The following SYT9 variants were observed in gnomAD, a reference collection of about 807,000 sequenced individuals.
SYT9 encodes synaptotagmin-9.
SYT9 carries 22 observed loss-of-function variants against 48.4 expected under a neutral mutation model. The ratio of observed to expected loss-of-function variants is 0.45; its 90% CI spans 0.32 to 0.65. The LOEUF is 0.65. Among genes scored for constraint, SYT9 ranks in the 30% least tolerant of loss-of-function variants. SYT9 has a pLI of 0.03. For missense variants in SYT9, 577 were observed against 622.0 expected, an observed-to-expected ratio of 0.93 and a Z score of 0.77; for synonymous variants, 265 against 245.0, an observed-to-expected ratio of 1.08 and a Z score of -0.76.
chr11:7,417,056 C>T (rs1016722770), intron 4 of SYT9, among the ~76,000 whole-genome samples: 1 of 152,166 alleles, frequency 6.6e-6, no homozygotes, highest in African/African-American at 2.4e-5. Context: ...GCAACCTCTG[C>T]AGGTGTTTCC....
intron 6 of SYT9, among the ~76,000 whole-genome samples, chr11:7,429,961 A>G (rs1847535508): frequency 6.6e-6 from 1 of 152,180 alleles, no homozygotes; most frequent in Admixed American, 6.5e-5. Context: ...GAAGCTCTTC[A>G]TTTTATGATC....
At chr11:7,270,832 G>GACACACACACACACACACACAC (rs56891844) in intron 1 of SYT9, among the ~76,000 whole-genome samples, 1 of 147,174 alleles carries the variant, frequency 6.8e-6, no homozygotes, top group African/African-American at 2.5e-5. Context: ...ACAAGACACA[G>GACACACACACACACACACACAC]ACACACACAC....
chr11:7,334,621 T>TCCA, intron 3 of SYT9, among the ~76,000 whole-genome samples: 1 of 66,508 alleles, frequency 1.5e-5, no homozygotes, highest in Non-Finnish European at 3.7e-5. Flanking sequence ...CTTTGTAACC[T>TCCA]CTCCTGCCTC....
intron 6 of SYT9, chr11:7,427,780 C>G (rs973006716): frequency 6.6e-6 from 1 of 152,102 alleles, no homozygotes; most frequent in East Asian, 1.9e-4. Flanking sequence ...CATGCCAGCA[C>G]GCATAAACAC....
At chr11:7,250,665 A>T (rs907071932), upstream of SYT9, among the ~76,000 whole-genome samples, 3 of 151,970 alleles carry the variant, frequency 2.0e-5, no homozygotes, top group East Asian at 5.8e-4. Flanking sequence ...TGCTATTCCC[A>T]TGTAAGTTCC....
At chr11:7,442,853 C>CAA (rs5789518) in intron 6 of SYT9, among the ~76,000 whole-genome samples, 15 of 150,778 alleles carry the variant, frequency 9.9e-5, no homozygotes, top group East Asian at 3.9e-4. Flanking sequence ...TACATCCATT[C>CAA]AAAAAAAAAG....
chr11:7,351,834 GGA>G (rs891489916), intron 3 of SYT9, among the ~76,000 whole-genome samples: 1 of 152,174 alleles, frequency 6.6e-6, no homozygotes, highest in African/African-American at 2.4e-5. Context: ...CTGAGAGTAA[GGA>G]GAAAGGAAGG....
intron 4 of SYT9, among the ~76,000 whole-genome samples, chr11:7,416,586 C>T (rs142863925): frequency 9.2e-5 from 14 of 152,256 alleles, no homozygotes; most frequent in Non-Finnish European, 1.3e-4. Context: ...GTTTTTTAAA[C>T]AATACAGTAT....
intron 6 of SYT9, among the ~76,000 whole-genome samples, chr11:7,463,566 T>C (rs1040966986): frequency 6.6e-6 from 1 of 152,204 alleles, no homozygotes; most frequent in South Asian, 2.1e-4. Context: ...ACTTGTATGC[T>C]TGACTTTCCC....
At position 7,293,835 on chromosome 11, in the gene SYT9, A is replaced by T. The variant is rs373539998; in HGVS notation, c.146-9204A>T. Among the ~76,000 whole-genome samples the T allele has an allele frequency of 7.9e-5, 12 of 152,296 alleles. No homozygotes were observed. The East Asian group carries it at 1.9e-3, about 24-fold the overall frequency. ...GTGCAACTTGCATGGCCATAGAAAG[A>T]AGCCCTCACTTTCTCTTTCTCCTGC... On this transcript the variant is annotated intron_variant, in intron 1 of 6. Coordinates refer to ENST00000318881, the MANE Select transcript of SYT9 (RefSeq NM_175733.4).
upstream of SYT9, among the ~76,000 whole-genome samples, chr11:7,247,250 C>A (rs539077482): frequency 2.5e-4 from 38 of 152,094 alleles, no homozygotes; most frequent in Non-Finnish European, 4.1e-4. Context: ...TCTCCTGCCC[C>A]CTTCCCACCC....
intron 3 of SYT9, among the ~76,000 whole-genome samples, chr11:7,347,472 C>T (rs185045204): frequency 1.3e-5 from 2 of 152,098 alleles, no homozygotes; most frequent in South Asian, 2.1e-4. Flanking sequence ...TGACCTCAGG[C>T]GATCCACCCA....
intron 2 of SYT9, among the ~76,000 whole-genome samples, chr11:7,310,937 A>G (rs1002388422): frequency 1.3e-5 from 2 of 152,214 alleles, no homozygotes; most frequent in Non-Finnish European, 2.9e-5. Flanking sequence ...TTTCATGTCT[A>G]AGAAAATGTA....
At chr11:7,375,634 C>G (rs1187470584) in intron 3 of SYT9, among the ~76,000 whole-genome samples, 2 of 152,138 alleles carry the variant, frequency 1.3e-5, no homozygotes, top group Non-Finnish European at 1.5e-5. Flanking sequence ...TCCTTCACAT[C>G]CCTTGTAAGT....
intron 3 of SYT9, among the ~76,000 whole-genome samples, chr11:7,349,594 C>T (rs1564872065): frequency 6.6e-6 from 1 of 152,190 alleles, no homozygotes; most frequent in East Asian, 1.9e-4. Flanking sequence ...GGGTTTCCCT[C>T]AGCTTCCCAG....
At chr11:7,366,940 T>C (rs7107520) in intron 3 of SYT9, among the ~76,000 whole-genome samples, 52,977 of 151,598 alleles carry the variant, frequency 0.35, 9,584 homozygotes, top group African/African-American at 0.4. Context: ...TGAATAAATA[T>C]ACACATAGTA....
At chr11:7,333,983 G>A (rs1188722868) in intron 3 of SYT9, among the ~76,000 whole-genome samples, 2 of 152,168 alleles carry the variant, frequency 1.3e-5, no homozygotes, top group African/African-American at 4.8e-5. Context: ...GTAGGCAAGC[G>A]CTTCCTGTGG....
chr11:7,252,732 G>A lies in SYT9; in HGVS notation c.145+401G>A, dbSNP rs1395325734. 6.6e-6 allele frequency among the ~76,000 whole-genome samples: 1 copy of A among 152,246 alleles called. No individual in the cohort carries two copies. The highest frequency in any genetic ancestry group is 1.5e-5 in the Non-Finnish European group (1 of 68,042). On this transcript the variant is annotated intron_variant, in intron 1 of 6. Coordinates refer to ENST00000318881, the MANE Select transcript of SYT9 (RefSeq NM_175733.4). The surrounding 1 kb of genome is among the most constrained non-coding windows in gnomAD (Gnocchi z 6.3). ...GGGACGAGGCCGAAGGAAACTCTGG[G>A]AAGTTGGGAGTTGGGGACGGCCCCG...
At chr11:7,308,088 T>G (rs1849065044) in intron 2 of SYT9, among the ~76,000 whole-genome samples, 1 of 152,242 alleles carries the variant, frequency 6.6e-6, no homozygotes, top group African/African-American at 2.4e-5. Context: ...GGATTTCCCC[T>G]TCTTCTGTGT....
Sources: gnomAD v4.1 joint callset for allele counts (sites outside exome capture counted in the v4.1 genomes callset) on GRCh38, gnomAD v4.1.1 for gene constraint, Gnocchi (gnomAD v3.1) non-coding constraint, MANE v1.5 for transcripts, NCBI Gene and HGNC (gene_info 2026-07-23, HGNC 2026-07-21) for gene names.